The following TAF2 variants were observed in gnomAD, a reference collection of about 807,000 sequenced individuals.
TAF2 encodes TATA-box binding protein associated factor 2.
In TAF2, 61 loss-of-function variants were observed where a neutral mutation model predicts 138.5. The ratio of observed to expected loss-of-function variants is 0.44; its 90% CI spans 0.36 to 0.54. TAF2 has a LOEUF of 0.54. Ranked by LOEUF, TAF2 falls within the 20% of genes least tolerant of loss-of-function variation. The pLI, the probability that TAF2 is intolerant of heterozygous loss-of-function variation, is 0.00. For missense variants in TAF2, 1,090 were observed against 1,427.9 expected (o/e 0.76, Z 3.81); for synonymous variants, 475 against 469.9 (o/e 1.01, Z -0.14).
Position 119,781,043 on chromosome 8 carries a change from T to C in TAF2, c.2253+10A>G. On this transcript the variant is annotated intron_variant, in intron 17 of 25. Transcript: ENST00000378164. Reference sequence around the variant, plus strand: ...TAAAAACCATGAGAAAATTAGAAAGTAAACTGTACCTTCTGTAGAAAATAG... The same window carrying C: ...TAAAAACCATGAGAAAATTAGAAAGCAAACTGTACCTTCTGTAGAAAATAG... 1 of 1,610,226 alleles carries C rather than the reference T, an allele frequency of 6.2e-7. No individual in the cohort carries two copies. Among genetic ancestry groups the C allele is most frequent in the Non-Finnish European group, 8.5e-7 (1 of 1,178,930 alleles).
rs765533754 is a variant in TAF2, at chr8:119,791,341, T to C, written c.1396A>G (p.Met466Val). Residue 466 changes from methionine (M) to valine (V), a missense_variant, in exon 11 of 26, where the codon ATG becomes GTG. Met to Val is a conservative substitution (Grantham distance 21). Coordinates refer to ENST00000378164, the MANE Select transcript of TAF2 (RefSeq NM_003184.4). ...VMRLIENRIS[M>V]EFMLQVFNKL... ...ATACTTACTTGTAGCATAAATTCCA[T>C]ACTGATCCTATTTTCAATCAATCTC... 6.2e-7 allele frequency: 1 copy of C among 1,613,710 alleles called. No homozygotes were observed. The highest frequency in any genetic ancestry group is 1.1e-5 in the South Asian group (1 of 91,072).
intron 18 of TAF2, among the ~76,000 whole-genome samples, chr8:119,768,273 C>A (rs757097758): frequency 1.3e-5 from 2 of 152,190 alleles, no homozygotes; most frequent in Non-Finnish European, 1.5e-5. Context: ...ATCGAGCAGG[C>A]CATTTACAGG....
chr8:119,762,653 C>A (rs1278088117), intron 18 of TAF2, 45 bp from the exon 19 acceptor site: 1 of 1,515,452 alleles, frequency 6.6e-7, no homozygotes, highest in South Asian at 1.2e-5. Flanking sequence ...ATTAACTCTT[C>A]TGATCAAAAT....
chr8:119,807,399 C>T (rs1400444358), intron 3 of TAF2, among the ~76,000 whole-genome samples: 1 of 151,894 alleles, frequency 6.6e-6, no homozygotes, highest in Non-Finnish European at 1.5e-5. Flanking sequence ...TATATGTGTA[C>T]ATATACACAT....
At chr8:119,732,259 G>A (rs1818927093) in intron 25 of TAF2, 73 bp from the exon 26 acceptor site, 2 of 1,408,126 alleles carry the variant, frequency 1.4e-6, no homozygotes, top group Non-Finnish European at 2.0e-6. Context: ...AGAGGAAGCT[G>A]ATGACAGTAT....
chr8:119,752,103 A>G (rs957790906), intron 22 of TAF2, among the ~76,000 whole-genome samples: 10 of 152,158 alleles, frequency 6.6e-5, no homozygotes, highest in Non-Finnish European at 5.9e-5. Context: ...AAGGAAAAGG[A>G]GATAAAGTAA....
In TAF2 at chr8:119,745,121, T is replaced by TGC. The variant is rs1819868081; in HGVS notation, c.3109-730_3109-729dup. 25 of 436,126 alleles carry TGC rather than the reference T, an allele frequency of 5.7e-5. No individual in the cohort carries two copies. The East Asian group carries it at 7.0e-4, about 12-fold the overall frequency. 27.0% of individuals were successfully genotyped at this position (436,126 alleles called of 1,614,324 possible). On this transcript the variant is annotated intron_variant, in intron 23 of 25. Transcript: ENST00000378164. The stretch of plus-strand genomic sequence containing the variant: ...TGAAAACTAATAGCTATAGCAACCA[T>TGC]GCAGATTAGAGCATGCCCAGTGCTA...
At position 119,789,726 on chromosome 8, in the gene TAF2, A is replaced by C; in HGVS notation, c.1434T>G (p.Ser478Arg). The change falls in exon 12 of 26, where the codon AGT becomes AGG. Residue 478 changes from serine to arginine, a missense_variant. This residue lies in a region of TAF2 where 504 missense variants were observed against 680.9 expected (regional missense o/e 0.74). Coordinates refer to ENST00000378164, the MANE Select transcript of TAF2 (RefSeq NM_003184.4). The part of the protein sequence containing the change: ...FMLQVFNKLL[S>R]LASTASSQKF... Reference sequence around the variant, plus strand: ...TCTGAGATGAAGCAGTACTAGCCAGACTTAGCAGTTTATTGAAAACCTGTA... The same window carrying C: ...TCTGAGATGAAGCAGTACTAGCCAGCCTTAGCAGTTTATTGAAAACCTGTA... 1 of 1,613,842 alleles carries C rather than the reference A, an allele frequency of 6.2e-7. No homozygotes were observed.
At chr8:119,757,486 T>C (rs2131044813) in intron 21 of TAF2, among the ~76,000 whole-genome samples, 1 of 152,302 alleles carries the variant, frequency 6.6e-6, no homozygotes, top group South Asian at 2.1e-4. Context: ...TTTTAAGTTG[T>C]TATACTTTTA....
chr8:119,821,994 G>A (rs1003911044), intron 2 of TAF2, among the ~76,000 whole-genome samples: 6 of 152,046 alleles, frequency 3.9e-5, no homozygotes, highest in Admixed American at 1.3e-4. Context: ...ATTGTGACAC[G>A]GGTGACAGAG....
intron 3 of TAF2, among the ~76,000 whole-genome samples, chr8:119,818,049 T>C (rs1415288124): frequency 1.3e-5 from 2 of 152,274 alleles, no homozygotes; most frequent in Non-Finnish European, 2.9e-5. Flanking sequence ...CCCATTTGTG[T>C]ATCTCCTCTC....
Position 119,742,605 on chromosome 8 carries a change from T to A in TAF2, c.3266A>T (p.His1089Leu), listed in dbSNP as rs1337472643. 6.2e-7 allele frequency: 1 copy of A among 1,613,864 alleles called. No individual in the cohort carries two copies. Among genetic ancestry groups the A allele is most frequent in the Non-Finnish European group, 8.5e-7 (1 of 1,179,954 alleles). ...GGGTGTGCTGTCACAGCCTGCTGAG[T>A]GCTGGGGTATTAAAGCAGATCGGGA... ...ASSRSALIPQ[H>L]SAGCDSTPTT... The change falls in exon 25 of 26, where the codon CAC becomes CTC. Residue 1089 changes from histidine (H) to leucine (L), a missense_variant. His to Leu is a moderately conservative substitution (Grantham distance 99, BLOSUM62 -3). Coordinates refer to ENST00000378164, the MANE Select transcript of TAF2 (RefSeq NM_003184.4).
chr8:119,794,395 CAAA>C (rs147358018), intron 9 of TAF2, among the ~76,000 whole-genome samples: 2 of 119,098 alleles, frequency 1.7e-5, no homozygotes, highest in Non-Finnish European at 3.6e-5. Context: ...GACTCCGTCT[CAAA>C]AAAAAAAAAA....
rs943456063 is a variant in TAF2 at position 119,751,950 on chromosome 8, G to A, written c.2878+4056C>T. The stretch of plus-strand genomic sequence containing the variant: ...TGAATATGGGCTATATACTGGGTGG[G>A]GTTTAATGATCATATTGTCGATATG... On this transcript the variant is annotated intron_variant, in intron 22 of 25. Transcript: ENST00000378164. Among the ~76,000 whole-genome samples, 3 of 152,050 alleles carry A rather than the reference G, an allele frequency of 2.0e-5. No homozygotes were observed. The East Asian group carries it at 5.8e-4, about 29-fold the overall frequency.
At chr8:119,751,964 A>G (rs1820383031) in intron 22 of TAF2, among the ~76,000 whole-genome samples, 1 of 152,150 alleles carries the variant, frequency 6.6e-6, no homozygotes, top group Non-Finnish European at 1.5e-5. Flanking sequence ...TAATGATCAT[A>G]TTGTCGATAT....
At chr8:119,827,642 T>C (rs1476111256) in intron 2 of TAF2, among the ~76,000 whole-genome samples, 1 of 152,018 alleles carries the variant, frequency 6.6e-6, no homozygotes, top group East Asian at 1.9e-4. Flanking sequence ...TAGTAGACAA[T>C]GTATCTCTCC....
chr8:119,780,992 C>A, intron 17 of TAF2, 61 bp downstream of exon 17: 4 of 1,356,078 alleles, frequency 2.9e-6, no homozygotes, highest in East Asian at 2.5e-5. Context: ...ATTATTTGAA[C>A]AGTCTCCAAC....
At chr8:119,741,205 T>C (rs946983762) in intron 25 of TAF2, among the ~76,000 whole-genome samples, 1 of 152,164 alleles carries the variant, frequency 6.6e-6, no homozygotes, top group African/African-American at 2.4e-5. Context: ...TGCTTCTACA[T>C]AGGTTAATGT....
At chr8:119,775,564 G>A (rs1403860326) in intron 18 of TAF2, among the ~76,000 whole-genome samples, 5 of 152,046 alleles carry the variant, frequency 3.3e-5, no homozygotes, top group Middle Eastern at 3.4e-3. Flanking sequence ...TTAGCTGGGC[G>A]TGGGGGTATG....
Sources: gnomAD v4.1 joint callset for allele counts (sites outside exome capture counted in the v4.1 genomes callset) on GRCh38, gnomAD v4.1.1 for gene constraint, gnomAD v4.1.1 regional missense constraint, MANE v1.5 for transcripts, NCBI Gene and HGNC (gene_info 2026-07-23, HGNC 2026-07-21) for gene names.